The following POLA1 variants were observed in gnomAD, a reference collection of about 807,000 sequenced individuals.
POLA1 encodes the protein DNA polymerase alpha 1, catalytic subunit, also known as DNA polymerase alpha catalytic subunit.
A neutral mutation model predicts 124.0 loss-of-function variants in POLA1; 15 were observed. That is an observed-to-expected ratio of 0.12 (90% CI 0.08 to 0.19). The LOEUF (loss-of-function observed/expected upper bound fraction) is 0.19, where lower values mean the gene tolerates loss of function less well. Ranked by LOEUF, POLA1 falls within the 10% of genes least tolerant of loss-of-function variation. POLA1 has a pLI of 1.00. For missense variants in POLA1, 886 were observed against 1,103.4 expected, an observed-to-expected ratio of 0.80 and a Z score of 2.79; for synonymous variants, 408 against 389.4, an observed-to-expected ratio of 1.05 and a Z score of -0.56.
At chrX:24,896,542 T>C (rs898321064) in intron 35 of POLA1, among the ~76,000 whole-genome samples, 1 of 112,481 alleles carries the variant, frequency 8.9e-6, no homozygotes, top group Non-Finnish European at 1.9e-5. Context: ...GTTGTTAGTG[T>C]ATTTTATGTG....
At chrX:24,906,867 T>G (rs2047374105) in intron 35 of POLA1, among the ~76,000 whole-genome samples, 1 of 111,300 alleles carries the variant, frequency 9.0e-6, no homozygotes, top group Non-Finnish European at 1.9e-5. Flanking sequence ...AAAGAGTAAA[T>G]GAGCTTGAAG....
intron 4 of POLA1, among the ~76,000 whole-genome samples, chrX:24,713,111 T>C (rs1569276624): frequency 9.1e-6 from 1 of 110,495 alleles, no homozygotes; most frequent in Non-Finnish European, 1.9e-5. Flanking sequence ...ATTACAGGCA[T>C]GCACCACCAT....
At chrX:24,750,330 G>C (rs1932259307) in intron 26 of POLA1, among the ~76,000 whole-genome samples, 1 of 112,932 alleles carries the variant, frequency 8.9e-6, no homozygotes, top group African/African-American at 3.2e-5. Flanking sequence ...ATCCAGTGCT[G>C]TAGTCTCTAG....
chrX:24,803,832 A>G (rs1420876548), intron 26 of POLA1, among the ~76,000 whole-genome samples: 1 of 104,391 alleles, frequency 9.6e-6, no homozygotes, highest in African/African-American at 3.5e-5. Context: ...TTTATAAATG[A>G]GGATATTGAG....
chrX:24,917,964 A>G (rs1223140379), intron 35 of POLA1, among the ~76,000 whole-genome samples: 1 of 111,665 alleles, frequency 9.0e-6, no homozygotes, highest in African/African-American at 3.3e-5. Context: ...ACAGCTGGGT[A>G]AACCAAGGCT....
chrX:24,931,305 C>T (rs1008306298), intron 36 of POLA1, among the ~76,000 whole-genome samples: 5 of 110,872 alleles, frequency 4.5e-5, no homozygotes, highest in East Asian at 2.8e-4. Flanking sequence ...TGTTTGTCAG[C>T]GAGTATCAAT....
chrX:24,852,651 C>T (rs2046580850), intron 34 of POLA1, among the ~76,000 whole-genome samples: 1 of 111,856 alleles, frequency 8.9e-6, no homozygotes, highest in Admixed American at 9.5e-5. Context: ...AACTTTTTGT[C>T]TTGGTTCAAA....
chrX:24,794,433 GT>G (rs1452430243), intron 26 of POLA1, among the ~76,000 whole-genome samples: 4 of 111,971 alleles, frequency 3.6e-5, no homozygotes, highest in Non-Finnish European at 7.5e-5. Flanking sequence ...TATTGTTAGG[GT>G]TTCTTGTATT....
At chrX:24,956,813 A>G (rs1226441189) in intron 36 of POLA1, among the ~76,000 whole-genome samples, 10 of 112,442 alleles carry the variant, frequency 8.9e-5, no homozygotes, top group Non-Finnish European at 1.9e-4. Context: ...AACTTAAACA[A>G]TATTTTTGAA....
chrX:24,858,820 C>T (rs1021937729), intron 34 of POLA1, among the ~76,000 whole-genome samples: 2 of 112,492 alleles, frequency 1.8e-5, no homozygotes, highest in Non-Finnish European at 3.8e-5. Flanking sequence ...ACCATTTTCC[C>T]TGCTCTCACA....
At chrX:24,696,151 T>A (rs955439791) in intron 1 of POLA1, among the ~76,000 whole-genome samples, 1 of 112,579 alleles carries the variant, frequency 8.9e-6, no homozygotes, top group Non-Finnish European at 1.9e-5. Context: ...GCAGACATGA[T>A]TATCCCCATT....
intron 34 of POLA1, among the ~76,000 whole-genome samples, chrX:24,866,398 G>T (rs1309211703): frequency 9.0e-6 from 1 of 111,688 alleles, no homozygotes; most frequent in Non-Finnish European, 1.9e-5. Flanking sequence ...AATGATTCTT[G>T]TCCTAATATC....
At chrX:24,863,258 G>GCCC (rs11430408) in intron 34 of POLA1, among the ~76,000 whole-genome samples, 2 of 101,605 alleles carry the variant, frequency 2.0e-5, no homozygotes, top group Admixed American at 2.1e-4. Flanking sequence ...GGAAGAGTAT[G>GCCC]CCCCCCCCCA....
chrX:24,876,590 A>G (rs1417110056), intron 34 of POLA1, among the ~76,000 whole-genome samples: 1 of 108,610 alleles, frequency 9.2e-6, no homozygotes, highest in Non-Finnish European at 1.9e-5. Context: ...GAGCATGAGA[A>G]CAATATTCTG....
chrX:24,875,448 A>T (rs911600047), intron 34 of POLA1, among the ~76,000 whole-genome samples: 3 of 112,008 alleles, frequency 2.7e-5, no homozygotes, highest in Non-Finnish European at 5.6e-5. Context: ...ATTTGGAGTG[A>T]ACTAAGCCAG....
At chrX:24,843,386 C>T (rs898941596) in intron 33 of POLA1, among the ~76,000 whole-genome samples, 160 bp from the exon 34 acceptor site, 1 of 111,834 alleles carries the variant, frequency 8.9e-6, no homozygotes, top group Non-Finnish European at 1.9e-5. Context: ...ATGACTAAAG[C>T]GGTCTTTGGG....
chrX:24,984,903 G>A (rs1042565068), intron 36 of POLA1, among the ~76,000 whole-genome samples: 2 of 110,225 alleles, frequency 1.8e-5, no homozygotes, highest in African/African-American at 6.6e-5. Context: ...CTCATGATCC[G>A]CCCGCCTCGG....
chrX:24,874,997 A>G (rs1358037395), intron 34 of POLA1, among the ~76,000 whole-genome samples: 6 of 112,120 alleles, frequency 5.4e-5, no homozygotes, highest in African/African-American at 1.9e-4. Context: ...AGTGTTTGCC[A>G]TTCCTGATTT....
intron 36 of POLA1, among the ~76,000 whole-genome samples, chrX:24,948,969 CT>C (rs1216417693): frequency 9.0e-6 from 1 of 111,445 alleles, no homozygotes; most frequent in East Asian, 2.8e-4. Flanking sequence ...ATTTTCTTGC[CT>C]TTTTTTCCTT....
Sources: gnomAD v4.1 joint callset for allele counts (sites outside exome capture counted in the v4.1 genomes callset) on GRCh38, gnomAD v4.1.1 for gene constraint, MANE v1.5 for transcripts, NCBI Gene and HGNC (gene_info 2026-07-23, HGNC 2026-07-21) for gene names.